Variants in PPFIBP2 observed in about 807,000 individuals in gnomAD.
PPFIBP2 encodes the protein liprin-beta-2.
A neutral mutation model predicts 118.3 loss-of-function variants in PPFIBP2; 118 were observed. The observed-to-expected ratio is 1.00, with a 90% CI of 0.86 to 1.16. The LOEUF (loss-of-function observed/expected upper bound fraction) is 1.16, where lower values mean the gene tolerates loss of function less well. PPFIBP2 is among the 50% of genes most tolerant of loss of function. The pLI is 0.00. For synonymous variants in PPFIBP2, 414 were observed against 397.4 expected (o/e 1.04, Z -0.50); for missense variants, 1,195 against 1,073.1 (o/e 1.11, Z -1.59).
intron 6 of PPFIBP2, 44 bp from the exon 7 acceptor site, chr11:7,620,891 A>C: frequency 7.0e-7 from 1 of 1,425,002 alleles, no homozygotes; most frequent in Non-Finnish European, 9.9e-7. Context: ...TCAAGAGCAC[A>C]TCTTTTAACC....
chr11:7,560,195 CACTT>C (rs1228644913), intron 2 of PPFIBP2, among the ~76,000 whole-genome samples: 1 of 152,210 alleles, frequency 6.6e-6, no homozygotes, highest in Non-Finnish European at 1.5e-5. Flanking sequence ...TGGGTTTACT[CACTT>C]AATTTCCTGC....
At chr11:7,537,547 C>G (rs952560824) in intron 1 of PPFIBP2, among the ~76,000 whole-genome samples, 1 of 152,252 alleles carries the variant, frequency 6.6e-6, no homozygotes, top group Non-Finnish European at 1.5e-5. Context: ...CTCTTCACAT[C>G]TTAGCCTTGA....
At chr11:7,613,086 G>A (rs888668060) in intron 6 of PPFIBP2, among the ~76,000 whole-genome samples, 7 of 152,146 alleles carry the variant, frequency 4.6e-5, no homozygotes, top group Non-Finnish European at 1.0e-4. Flanking sequence ...GAACAGGCAG[G>A]ATTCTTTTTT....
intron 3 of PPFIBP2, chr11:7,577,334 T>TGCGTGTGTGTGTGTGC: frequency 3.7e-6 from 1 of 271,188 alleles, no homozygotes; most frequent in African/African-American, 2.3e-5. Context: ...TGTGTGTGTG[T>TGCGTGTGTGTGTGTGC]GTGTGTGTGT....
intron 4 of PPFIBP2, among the ~76,000 whole-genome samples, chr11:7,595,374 C>T (rs1306128310): frequency 6.6e-6 from 1 of 152,150 alleles, no homozygotes; most frequent in African/African-American, 2.4e-5. Context: ...TATGAAATTG[C>T]AAACTTTTGA....
rs560941899 is a variant in PPFIBP2, at chr11:7,542,555, G to A, written c.-36-6885G>A. ...TTTTTTTAGTCATGTATTTTTATCCGTATCTCTAGAAAAATGCTTGTTCTG... is the reference window on the plus strand; with the variant it reads ...TTTTTTTAGTCATGTATTTTTATCCATATCTCTAGAAAAATGCTTGTTCTG... On this transcript the variant is annotated intron_variant, in intron 1 of 23. Coordinates refer to ENST00000299492, the MANE Select transcript of PPFIBP2 (RefSeq NM_003621.5). Among the ~76,000 whole-genome samples the A allele has an allele frequency of 3.1e-4, 47 of 152,092 alleles. No individual in the cohort carries two copies. In the South Asian group the frequency reaches 6.0e-3, roughly 19 times the overall value.
Position 7,653,497 on chromosome 11 carries a change from T to C in PPFIBP2, c.*279T>C, listed in dbSNP as rs1854375728. 2 of 1,403,672 alleles carry C rather than the reference T, an allele frequency of 1.4e-6. No individual in the cohort carries two copies. The highest frequency in any genetic ancestry group is 2.9e-5 in the African/African-American group (2 of 69,990). 87.0% of individuals were successfully genotyped at this position (1,403,672 alleles called of 1,614,324 possible). A position where few individuals can be genotyped will look rare whatever the true frequency, so the allele number is the denominator to read the frequency against. On this transcript the variant is annotated 3_prime_UTR_variant, in exon 24 of 24. Transcript: ENST00000299492. ...TGTCTAGTAATTCTTGATGTTCATC[T>C]TCAGCACCAGTGGAAACACATGAAC...
intron 15 of PPFIBP2, 22 bp from the exon 16 acceptor site, chr11:7,641,457 C>G: frequency 6.2e-7 from 1 of 1,613,120 alleles, no homozygotes; most frequent in Non-Finnish European, 8.5e-7. Context: ...CATTCACATT[C>G]ATTGCCTTCT....
chr11:7,575,980 G>C (rs938053695), intron 3 of PPFIBP2, among the ~76,000 whole-genome samples: 2 of 152,192 alleles, frequency 1.3e-5, no homozygotes, highest in Non-Finnish European at 2.9e-5. Flanking sequence ...CTGCTGGCTA[G>C]AGCTCTCCTC....
intron 2 of PPFIBP2, among the ~76,000 whole-genome samples, chr11:7,553,059 G>A (rs936001544): frequency 2.0e-5 from 3 of 151,096 alleles, no homozygotes; most frequent in Admixed American, 1.3e-4. Context: ...ATACATGCTA[G>A]ATGTTTTTTT....
In PPFIBP2 at chr11:7,651,656, A is replaced by G. The variant is rs140873470; in HGVS notation, c.2248A>G (p.Ile750Val). The G allele has an allele frequency of 3.1e-6, 5 of 1,601,760 alleles. No homozygotes were observed. Among genetic ancestry groups the G allele is most frequent in the Non-Finnish European group, 4.3e-6 (5 of 1,170,872 alleles). The change falls in exon 23 of 24, where the codon ATC (isoleucine) becomes GTC (valine). Residue 750 changes from isoleucine (I) to valine (V), a missense_variant and splice_region_variant. Coordinates refer to ENST00000299492, the MANE Select transcript of PPFIBP2 (RefSeq NM_003621.5). The part of the protein sequence containing the change: ...RGSGVHGGLI[I>V]LEPRFTGDTL... ...AGGCTTGTCTCTGGTTCCTTCTTAG[A>G]TCCTGGAGCCACGCTTCACTGGGGA...
chr11:7,634,607 A>G (rs923002873), intron 13 of PPFIBP2, 55 bp downstream of exon 13: 9 of 1,392,932 alleles, frequency 6.5e-6, no homozygotes, highest in Admixed American at 1.7e-5. Flanking sequence ...TGGGCCTAGC[A>G]TAGTACTGGG....
intron 9 of PPFIBP2, among the ~76,000 whole-genome samples, chr11:7,628,981 A>G (rs1354288502): frequency 1.3e-5 from 2 of 152,214 alleles, no homozygotes; most frequent in African/African-American, 4.8e-5. Flanking sequence ...TGGTCTCCCA[A>G]GTTCCTTTCA....
At chr11:7,537,350 G>A (rs2134400030) in intron 1 of PPFIBP2, among the ~76,000 whole-genome samples, 1 of 152,346 alleles carries the variant, frequency 6.6e-6, no homozygotes, top group South Asian at 2.1e-4. Flanking sequence ...CCCCCCCACA[G>A]AGGCAGCAGC....
chr11:7,625,165 C>T (rs1433867046), intron 7 of PPFIBP2, among the ~76,000 whole-genome samples: 1 of 152,178 alleles, frequency 6.6e-6, no homozygotes, highest in African/African-American at 2.4e-5. Context: ...TGAAGCACTC[C>T]TGAATGCTTG....
chr11:7,593,171 T>A lies in PPFIBP2; in HGVS notation c.319T>A (p.Tyr107Asn). The A allele has an allele frequency of 6.2e-7, 1 of 1,614,070 alleles. No homozygotes were observed. Among genetic ancestry groups the A allele is most frequent in the East Asian group, 2.2e-5 (1 of 44,872 alleles). ...CCACAGTGCTGCTAGTAATGAAACC[T>A]ACCAGGAACGCTTGGCACGTCTAGA... ...NHHSAASNET[Y>N]QERLARLEGD... The change falls in exon 4 of 24, where the codon TAC becomes AAC. Residue 107 changes from tyrosine to asparagine, a missense_variant. Coordinates refer to ENST00000299492, the MANE Select transcript of PPFIBP2 (RefSeq NM_003621.5).
chr11:7,653,699 G>C lies in PPFIBP2; in HGVS notation c.*481G>C. 1.6e-6 allele frequency: 2 copies of C among 1,279,088 alleles called. No homozygotes were observed. The allele number at this position is 1,279,088 out of a possible 1,614,324, so 79.2% of individuals were successfully genotyped here. ...CACAGTGACAATGGAATTGTGTTGT[G>C]CCTTACTTCAGAGGTGGTCTCTTCT... On this transcript the variant is annotated 3_prime_UTR_variant, in exon 24 of 24. Coordinates refer to ENST00000299492, the MANE Select transcript of PPFIBP2 (RefSeq NM_003621.5).
rs774038659 is a variant in PPFIBP2 at position 7,593,275 on chromosome 11, A to G, written c.372+51A>G. The G allele has an allele frequency of 4.4e-6, 7 of 1,592,568 alleles. No individual in the cohort carries two copies. The Admixed American group carries it at 1.3e-4, about 29-fold the overall frequency. On this transcript the variant is annotated intron_variant, in intron 4 of 23. Transcript: ENST00000299492. The stretch of plus-strand genomic sequence containing the variant: ...CTTATCCTGTTACCTCCTACTATGT[A>G]GCTTCCCCTAAGTGGAAGGGAAGCC...
At chr11:7,555,495 T>A (rs1261740590) in intron 2 of PPFIBP2, among the ~76,000 whole-genome samples, 1 of 151,742 alleles carries the variant, frequency 6.6e-6, no homozygotes, top group African/African-American at 2.4e-5. Flanking sequence ...GTCCATACTC[T>A]GAACAGTCCT....
Sources: gnomAD v4.1 joint callset for allele counts (sites outside exome capture counted in the v4.1 genomes callset) on GRCh38, gnomAD v4.1.1 for gene constraint, MANE v1.5 for transcripts, NCBI Gene and HGNC (gene_info 2026-07-23, HGNC 2026-07-21) for gene names.